ZMYND11: variants seen among roughly 807,000 people sequenced by gnomAD.
The protein encoded by ZMYND11 is zinc finger MYND domain-containing protein 11.
ZMYND11 carries 9 observed loss-of-function variants against 84.9 expected under a neutral mutation model. The observed-to-expected ratio is 0.11, with a 90% CI of 0.06 to 0.18. The LOEUF is 0.18. Among genes scored for constraint, ZMYND11 ranks in the 10% least tolerant of loss-of-function variants. The pLI, the probability that ZMYND11 is intolerant of heterozygous loss-of-function variation, is 1.00. For synonymous variants in ZMYND11, 250 were observed against 244.1 expected, an observed-to-expected ratio of 1.02 and a Z score of -0.23; for missense variants, 409 against 761.0, an observed-to-expected ratio of 0.54 and a Z score of 5.44.
intron 1 of ZMYND11, among the ~76,000 whole-genome samples, chr10:169,498 A>C (rs942256725): frequency 2.6e-5 from 4 of 152,206 alleles, no homozygotes; most frequent in Non-Finnish European, 5.9e-5. Context: ...TAATCAGACC[A>C]GGGGTTATTA....
At chr10:182,664 T>A (rs1848125017) in intron 2 of ZMYND11, among the ~76,000 whole-genome samples, 1 of 152,192 alleles carries the variant, frequency 6.6e-6, no homozygotes, top group African/African-American at 2.4e-5. Context: ...ATCACATTTG[T>A]CATTGTTTCC....
chr10:147,176 T>C (rs147460283), intron 1 of ZMYND11, among the ~76,000 whole-genome samples: 41 of 152,356 alleles, frequency 2.7e-4, no homozygotes, highest in African/African-American at 8.4e-4. Flanking sequence ...TTTCTAGGTA[T>C]ATGAGCATAT....
chr10:130,834 C>T (rs183296925), upstream of ZMYND11, among the ~76,000 whole-genome samples: 48 of 152,272 alleles, frequency 3.2e-4, 1 homozygote, highest in East Asian at 3.3e-3. Flanking sequence ...AGAAGAGAGT[C>T]GGGGCCGGGC....
rs1160593991 is a variant in ZMYND11 at position 199,441 on chromosome 10, ATTG to A, written c.117-10442_117-10440del. ...TACACTGTGAGCATTTTCTCATACC[ATTG>A]TTGTTTTTCTTGGAGACAGTGTCGC... On this transcript the variant is annotated intron_variant, in intron 2 of 14. Coordinates refer to ENST00000381604, the MANE Select transcript of ZMYND11 (RefSeq NM_001370100.5). Among the ~76,000 whole-genome samples, 4 of 151,926 alleles carry A rather than the reference ATTG, an allele frequency of 2.6e-5. No individual in the cohort carries two copies. The East Asian group carries it at 7.7e-4, about 29-fold the overall frequency.
At chr10:133,401 C>T (rs782509378), upstream of ZMYND11, among the ~76,000 whole-genome samples, 9 of 151,998 alleles carry the variant, frequency 5.9e-5, no homozygotes, top group Non-Finnish European at 8.8e-5. Flanking sequence ...GAAAATAGAG[C>T]CAAGGGTTAA....
intron 14 of ZMYND11, chr10:249,424 C>T (rs967092311): frequency 2.0e-6 from 2 of 985,308 alleles, no homozygotes; most frequent in Non-Finnish European, 2.4e-6. Context: ...CTGGTGATTT[C>T]AGATGGGTAA....
intron 2 of ZMYND11, among the ~76,000 whole-genome samples, chr10:182,945 T>C (rs990308065): frequency 2.0e-5 from 3 of 152,094 alleles, no homozygotes; most frequent in Non-Finnish European, 2.9e-5. Context: ...AGATAATCTT[T>C]TAAACTTTGC....
At chr10:185,813 C>CAAAAAAAAAAA (rs111255034) in intron 2 of ZMYND11, among the ~76,000 whole-genome samples, 4 of 115,590 alleles carry the variant, frequency 3.5e-5, no homozygotes, top group African/African-American at 9.5e-5. Context: ...AACTCCGTCT[C>CAAAAAAAAAAA]AAAAAAACAA....
intron 1 of ZMYND11, among the ~76,000 whole-genome samples, chr10:177,051 TCAC>T (rs1846794027): frequency 6.6e-6 from 1 of 152,204 alleles, no homozygotes; most frequent in Non-Finnish European, 1.5e-5. Flanking sequence ...TTATATCTAG[TCAC>T]ATCACTAGTC....
At chr10:149,285 G>GTTATTATTA (rs61508487) in intron 1 of ZMYND11, among the ~76,000 whole-genome samples, 9,151 of 139,222 alleles carry the variant, frequency 0.066, 380 homozygotes, top group East Asian at 0.13. Context: ...TGAGGTGGTT[G>GTTATTATTA]TTATTATTAT....
intron 2 of ZMYND11, among the ~76,000 whole-genome samples, chr10:184,793 T>C (rs1229156030): frequency 6.6e-6 from 1 of 152,178 alleles, no homozygotes; most frequent in East Asian, 1.9e-4. Context: ...GAATACTCTT[T>C]CCAGATTTAT....
At chr10:183,817 T>C (rs1040214138) in intron 2 of ZMYND11, among the ~76,000 whole-genome samples, 2 of 152,218 alleles carry the variant, frequency 1.3e-5, no homozygotes, top group African/African-American at 4.8e-5. Context: ...CAGTGCTGGC[T>C]CCTGAACTAC....
intron 4 of ZMYND11, among the ~76,000 whole-genome samples, chr10:233,296 T>TTCTTCAAAC (rs1949334883): frequency 3.3e-5 from 5 of 152,302 alleles, no homozygotes; most frequent in Middle Eastern, 3.4e-3. Context: ...CGTGCACTGG[T>TTCTTCAAAC]GCAGCCAAGT....
At chr10:251,323 C>T (rs367948959) in intron 14 of ZMYND11, among the ~76,000 whole-genome samples, 54 of 152,122 alleles carry the variant, frequency 3.5e-4, no homozygotes, top group African/African-American at 1.0e-3. Context: ...ATGTGAATCC[C>T]GACACGCCTC....
rs1023758953 is a variant in ZMYND11, at chr10:252,084, G to A, written c.1687-264G>A. 2.0e-5 allele frequency among the ~76,000 whole-genome samples: 3 copies of A among 152,102 alleles called. No homozygotes were observed. The highest frequency in any genetic ancestry group is 2.1e-4 in the South Asian group (1 of 4,826). On this transcript the variant is annotated intron_variant, in intron 14 of 14. Coordinates refer to ENST00000381604, the MANE Select transcript of ZMYND11 (RefSeq NM_001370100.5). The surrounding 1 kb of genome is among the most constrained non-coding windows in gnomAD (Gnocchi z 4.6). The stretch of plus-strand genomic sequence containing the variant: ...TCAAGAGCATTTTAAGAAAAGAAAC[G>A]GGAATGACTCTCACAGAGATGGAAA...
chr10:141,858 A>G (rs1837569734), intron 1 of ZMYND11, among the ~76,000 whole-genome samples: 1 of 152,242 alleles, frequency 6.6e-6, no homozygotes, highest in African/African-American at 2.4e-5. Context: ...TGTGAACATG[A>G]AAGATATTAA....
chr10:245,702 G>A (rs1391035197), intron 10 of ZMYND11, among the ~76,000 whole-genome samples: 3 of 152,150 alleles, frequency 2.0e-5, no homozygotes, highest in Non-Finnish European at 4.4e-5. Flanking sequence ...CGAATAAAAT[G>A]TTCTGACCAC....
chr10:165,455 C>G (rs1554763453), intron 1 of ZMYND11, among the ~76,000 whole-genome samples: 2 of 152,230 alleles, frequency 1.3e-5, no homozygotes, highest in African/African-American at 2.4e-5. Flanking sequence ...CTCACTAGCT[C>G]TATCTCCACA....
intron 2 of ZMYND11, among the ~76,000 whole-genome samples, chr10:190,134 T>C (rs1272196851): frequency 6.6e-6 from 1 of 152,226 alleles, no homozygotes; most frequent in Non-Finnish European, 1.5e-5. Context: ...AGTCATTTTT[T>C]TCCACCGCAG....
Sources: allele counts gnomAD v4.1 joint callset (sites outside exome capture counted in the v4.1 genomes callset), GRCh38; gene constraint gnomAD v4.1.1; non-coding constraint Gnocchi (gnomAD v3.1); transcripts MANE v1.5; gene names NCBI Gene and HGNC (gene_info 2026-07-23, HGNC 2026-07-21).